The following AKT3 variants were observed in gnomAD, a reference collection of about 807,000 sequenced individuals.
AKT3 encodes RAC-gamma serine/threonine-protein kinase.
A neutral mutation model predicts 65.3 loss-of-function variants in AKT3; 15 were observed. The ratio of observed to expected loss-of-function variants is 0.23; its 90% CI spans 0.15 to 0.35. The LOEUF is 0.35. AKT3 is among the 10% of genes least tolerant of loss of function. The pLI, the probability that AKT3 is intolerant of heterozygous loss-of-function variation, is 1.00. For synonymous variants in AKT3, 206 were observed against 183.8 expected (o/e 1.12, Z -0.98); for missense variants, 243 against 576.5 (o/e 0.42, Z 5.92).
At chr1:243,627,049 G>A (rs1679220876) in intron 6 of AKT3, among the ~76,000 whole-genome samples, 1 of 152,172 alleles carries the variant, frequency 6.6e-6, no homozygotes, top group Non-Finnish European at 1.5e-5. Context: ...CTGGAGTGCT[G>A]TTACCAACAA....
chr1:243,545,734 C>T (rs949355211), intron 11 of AKT3, 137 bp from the exon 12 acceptor site: 6 of 607,102 alleles, frequency 9.9e-6, no homozygotes, highest in Non-Finnish European at 1.7e-5. Context: ...AAGTAAAAAG[C>T]TTTTGCTATA....
chr1:243,655,224 C>CAAA (rs1681677509), intron 4 of AKT3, among the ~76,000 whole-genome samples: 1 of 152,044 alleles, frequency 6.6e-6, no homozygotes, highest in African/African-American at 2.4e-5. Flanking sequence ...GCTATTAAAG[C>CAAA]CATCTGCTAG....
At position 243,552,588 on chromosome 1, in the gene AKT3, A is replaced by C. The variant is rs926437723; in HGVS notation, c.1163+141T>G. ...TTTAAATGTTCTATATTATGCAGTT[A>C]AAAATAAGTCAGGATCTCAGTGGGA... On this transcript the variant is annotated intron_variant, in intron 11 of 13. Coordinates refer to ENST00000673466, the MANE Select transcript of AKT3 (RefSeq NM_005465.7). The C allele has an allele frequency of 3.4e-5, 26 of 772,650 alleles. No homozygotes were observed. In the South Asian group the frequency reaches 4.6e-4, roughly 14 times the overall value. The allele number at this position is 772,650 out of a possible 1,614,324, so 47.9% of individuals were successfully genotyped here.
chr1:243,826,215 CAA>C (rs1010949370), intron 2 of AKT3, among the ~76,000 whole-genome samples: 5 of 152,126 alleles, frequency 3.3e-5, no homozygotes, highest in African/African-American at 1.2e-4. Context: ...TAATACCCGA[CAA>C]GAGTAAATTT....
At chr1:243,786,073 G>A (rs1330151092) in intron 2 of AKT3, among the ~76,000 whole-genome samples, 1 of 152,172 alleles carries the variant, frequency 6.6e-6, no homozygotes, top group Non-Finnish European at 1.5e-5. Context: ...GAACAGTTAG[G>A]ATTTTTTCTT....
chr1:243,801,215 A>G (rs775426759), intron 2 of AKT3, among the ~76,000 whole-genome samples: 7 of 152,246 alleles, frequency 4.6e-5, no homozygotes, highest in Non-Finnish European at 8.8e-5. Flanking sequence ...AGTATTAAAT[A>G]AACATTTCTT....
At position 243,501,468 on chromosome 1, in the gene AKT3, T is replaced by G. The variant is rs986269094; in HGVS notation, c.*3781A>C. ...TCCCCAGGGTCTGAGACCTCCTTCA[T>G]CCCTGGCTTCACAGTACATCCATCC... On this transcript the variant is annotated 3_prime_UTR_variant, in exon 14 of 14. Transcript: ENST00000673466. The G allele has an allele frequency of 1.7e-5, 4 of 233,060 alleles. No individual in the cohort carries two copies. Among genetic ancestry groups the G allele is most frequent in the Non-Finnish European group, 3.4e-5 (4 of 118,010 alleles). The allele number at this position is 233,060 out of a possible 1,614,324, so 14.4% of individuals were successfully genotyped here. A position where few individuals can be genotyped will look rare whatever the true frequency, so the allele number is the denominator to read the frequency against.
intron 12 of AKT3, among the ~76,000 whole-genome samples, chr1:243,527,784 T>C (rs1459885957): frequency 6.7e-6 from 1 of 149,394 alleles, no homozygotes; most frequent in Non-Finnish European, 1.5e-5. Context: ...GAGGATCCCT[T>C]AAGGCCAGGA....
At chr1:243,498,833 T>TAACTA (rs1264199263), downstream of AKT3, among the ~76,000 whole-genome samples, 1 of 152,214 alleles carries the variant, frequency 6.6e-6, no homozygotes, top group African/African-American at 2.4e-5. Flanking sequence ...AGATGGTTCC[T>TAACTA]AACTAAAGAA....
At chr1:243,536,277 A>C (rs1225650577) in intron 12 of AKT3, among the ~76,000 whole-genome samples, 1 of 151,910 alleles carries the variant, frequency 6.6e-6, no homozygotes, top group Admixed American at 6.6e-5. Flanking sequence ...GCTTTTGGGG[A>C]CTTAAGTCAC....
downstream of AKT3, among the ~76,000 whole-genome samples, chr1:243,497,338 G>A (rs993045083): frequency 5.0e-5 from 4 of 79,952 alleles, 1 homozygote; most frequent in East Asian, 3.0e-4. Context: ...AGGCACGGGT[G>A]GGGGGGGGGG....
intron 8 of AKT3, among the ~76,000 whole-genome samples, chr1:243,593,321 T>C (rs554641202): frequency 2.0e-4 from 30 of 152,292 alleles, no homozygotes; most frequent in African/African-American, 7.0e-4. Context: ...TGATAATACA[T>C]TATGACTAAA....
intron 2 of AKT3, among the ~76,000 whole-genome samples, chr1:243,790,525 A>G (rs1691562329): frequency 6.6e-6 from 1 of 152,184 alleles, no homozygotes; most frequent in Non-Finnish European, 1.5e-5. Context: ...TGATCTACCC[A>G]GACCACTCAA....
At chr1:243,828,534 A>T (rs1694312115) in intron 2 of AKT3, among the ~76,000 whole-genome samples, 1 of 151,994 alleles carries the variant, frequency 6.6e-6, no homozygotes, top group South Asian at 2.1e-4. Flanking sequence ...AGCAATACCA[A>T]CCCTTTCTCT....
intron 6 of AKT3, among the ~76,000 whole-genome samples, chr1:243,629,867 T>C (rs1679471833): frequency 6.6e-6 from 1 of 152,152 alleles, no homozygotes; most frequent in Non-Finnish European, 1.5e-5. Context: ...GATATATTCC[T>C]CTTGTACCCT....
At chr1:243,571,357 A>T (rs1674549681) in intron 9 of AKT3, among the ~76,000 whole-genome samples, 3 of 152,196 alleles carry the variant, frequency 2.0e-5, no homozygotes, top group Non-Finnish European at 4.4e-5. Context: ...GATTCATTTG[A>T]TGAGAAATGA....
intron 2 of AKT3, among the ~76,000 whole-genome samples, chr1:243,741,362 T>C (rs1688144021): frequency 2.0e-5 from 3 of 152,206 alleles, no homozygotes; most frequent in African/African-American, 7.2e-5. Context: ...CAATACTTTA[T>C]TAAGAAGCAT....
chr1:243,588,762 G>A (rs1313725840), intron 8 of AKT3, among the ~76,000 whole-genome samples: 4 of 151,936 alleles, frequency 2.6e-5, no homozygotes, highest in African/African-American at 7.3e-5. Context: ...AAACTTAAAC[G>A]TAAGACCTGA....
At chr1:243,622,895 G>A (rs538447137) in intron 6 of AKT3, among the ~76,000 whole-genome samples, 2 of 152,274 alleles carry the variant, frequency 1.3e-5, no homozygotes, top group East Asian at 3.9e-4. Flanking sequence ...AGAGTCCAAG[G>A]AAAAAGAGAT....
Sources: gnomAD v4.1 joint callset for allele counts (sites outside exome capture counted in the v4.1 genomes callset) on GRCh38, gnomAD v4.1.1 for gene constraint, MANE v1.5 for transcripts, NCBI Gene and HGNC (gene_info 2026-07-23, HGNC 2026-07-21) for gene names.